Variants in ASTN1 observed in about 807,000 individuals in gnomAD.
ASTN1 encodes astrotactin-1.
In ASTN1, 41 loss-of-function variants were observed where a neutral mutation model predicts 140.7. The observed-to-expected ratio is 0.29, with a 90% CI of 0.23 to 0.38. The LOEUF is 0.38. Ranked by LOEUF, ASTN1 falls within the 10% of genes least tolerant of loss-of-function variation. The pLI, the probability that ASTN1 is intolerant of heterozygous loss-of-function variation, is 1.00. For synonymous variants in ASTN1, 640 were observed against 652.2 expected (o/e 0.98, Z 0.29); for missense variants, 1,479 against 1,678.8 (o/e 0.88, Z 2.08).
chr1:177,057,981 T>C (rs535860287), intron 2 of ASTN1, among the ~76,000 whole-genome samples: 15 of 152,272 alleles, frequency 9.9e-5, no homozygotes, highest in African/African-American at 3.6e-4. Context: ...AGGAACAACA[T>C]CTTCAAACAG....
chr1:177,094,031 G>A (rs1679903595), intron 1 of ASTN1, among the ~76,000 whole-genome samples: 1 of 152,100 alleles, frequency 6.6e-6, no homozygotes, highest in South Asian at 2.1e-4. Flanking sequence ...GAACTTCCAG[G>A]CAACTCCTGC....
Position 176,864,185 on chromosome 1 carries a change from C to T in ASTN1, c.*99G>A, listed in dbSNP as rs975955432. On this transcript the variant is annotated 3_prime_UTR_variant, in exon 23 of 23. Transcript: ENST00000361833. ...GTTTCGATGTTGCTGTGGAGGTTTT[C>T]ATGTTCCATTAAAAAATATTAAAAA... 7 of 1,513,080 alleles carry T rather than the reference C, an allele frequency of 4.6e-6. No homozygotes were observed. Among genetic ancestry groups the T allele is most frequent in the Middle Eastern group, 2.5e-4 (1 of 4,072 alleles). The allele number at this position is 1,513,080 out of a possible 1,614,324, so 93.7% of individuals were successfully genotyped here. A position where few individuals can be genotyped will look rare whatever the true frequency, so the allele number is the denominator to read the frequency against.
Position 176,888,072 on chromosome 1 carries a change from C to T in ASTN1, c.3073G>A (p.Val1025Met), listed in dbSNP as rs1204954294. The T allele has an allele frequency of 3.1e-6, 5 of 1,613,932 alleles. No homozygotes were observed. The highest frequency in any genetic ancestry group is 4.2e-6 in the Non-Finnish European group (5 of 1,180,006). ...LPTCAPLPQPVLRLSTVHEPS... is the reference protein window; with the variant it reads ...LPTCAPLPQPMLRLSTVHEPS... The stretch of plus-strand genomic sequence containing the variant: ...TGAAAGAGAGAAAGAGAACCATACA[C>T]AGGCTGTGGGAGAGGCGCACAGGTG... Residue 1025 changes from valine to methionine, a missense_variant and splice_region_variant, in exon 18 of 23, where the codon GTG (valine) becomes ATG (methionine). Val to Met is a conservative substitution (Grantham distance 21). Coordinates refer to ENST00000361833, the MANE Select transcript of ASTN1 (RefSeq NM_004319.3).
chr1:177,062,454 AG>A (rs1266887828), intron 1 of ASTN1, among the ~76,000 whole-genome samples: 10 of 151,368 alleles, frequency 6.6e-5, no homozygotes. Flanking sequence ...TATGTTGCCC[AG>A]GCTGGTCTTG....
intron 8 of ASTN1, among the ~76,000 whole-genome samples, chr1:176,993,970 G>T (rs1674310772): frequency 6.6e-6 from 1 of 152,048 alleles, no homozygotes; most frequent in Non-Finnish European, 1.5e-5. Flanking sequence ...CCTCAATTGA[G>T]GTTGATCCAT....
chr1:176,924,489 A>G (rs779593663), intron 16 of ASTN1, among the ~76,000 whole-genome samples: 7 of 152,170 alleles, frequency 4.6e-5, no homozygotes, highest in Non-Finnish European at 8.8e-5. Flanking sequence ...CAAAGCATCT[A>G]TCAGTATCAT....
At chr1:177,159,124 T>G (rs1328041559) in intron 1 of ASTN1, among the ~76,000 whole-genome samples, 1 of 151,818 alleles carries the variant, frequency 6.6e-6, no homozygotes, top group Non-Finnish European at 1.5e-5. Flanking sequence ...CTCTAATTAC[T>G]TGAATTCAAG....
chr1:177,145,133 C>G (rs182885038), intron 1 of ASTN1, among the ~76,000 whole-genome samples: 1 of 152,140 alleles, frequency 6.6e-6, no homozygotes, highest in Non-Finnish European at 1.5e-5. Context: ...CCTGCAACCT[C>G]AGAAAAATCA....
At chr1:176,880,014 C>G (rs945331415) in intron 20 of ASTN1, among the ~76,000 whole-genome samples, 3 of 152,192 alleles carry the variant, frequency 2.0e-5, no homozygotes, top group African/African-American at 7.2e-5. Flanking sequence ...CCACTGAACA[C>G]TCAGCACCCT....
At chr1:177,039,491 A>C (rs1179439241) in intron 2 of ASTN1, among the ~76,000 whole-genome samples, 2 of 152,206 alleles carry the variant, frequency 1.3e-5, no homozygotes, top group Non-Finnish European at 2.9e-5. Flanking sequence ...GGCATATCCT[A>C]ATCTAGAATC....
chr1:177,061,015 A>G, intron 2 of ASTN1, 63 bp downstream of exon 2: 1 of 1,389,300 alleles, frequency 7.2e-7, no homozygotes, highest in South Asian at 1.7e-5. Context: ...TATAATACCA[A>G]GACCCTTAAT....
chr1:177,128,775 T>G (rs1681799362), intron 1 of ASTN1, among the ~76,000 whole-genome samples: 1 of 152,176 alleles, frequency 6.6e-6, no homozygotes, highest in Middle Eastern at 3.2e-3. Flanking sequence ...TGAAAAGAAT[T>G]TGGAGAAGTC....
intron 7 of ASTN1, among the ~76,000 whole-genome samples, chr1:177,021,054 GCT>G (rs1194383604): frequency 1.3e-5 from 2 of 152,236 alleles, no homozygotes; most frequent in Non-Finnish European, 2.9e-5. Flanking sequence ...TTGGAGAAAG[GCT>G]CTGGGATAGA....
chr1:176,991,137 G>A (rs1674138105), intron 8 of ASTN1, among the ~76,000 whole-genome samples: 1 of 152,184 alleles, frequency 6.6e-6, no homozygotes, highest in Admixed American at 6.5e-5. Flanking sequence ...GCCGGGTGCA[G>A]TGGCTCATGC....
chr1:176,894,781 C>G lies in ASTN1; in HGVS notation c.2721G>C (p.Val907=). Residue 907 remains valine, a synonymous_variant, in exon 17 of 23, where the codon GTG becomes GTC. Coordinates refer to ENST00000361833, the MANE Select transcript of ASTN1 (RefSeq NM_004319.3). ...TGGTGATGTATTCTGGGAATGTCAG[C>G]ACCTTGGGGTCTCTTTCCCGCTCCT... ...ESEERERDPK[V]LTFPEYITSL... 1 of 1,614,186 alleles carries G rather than the reference C, an allele frequency of 6.2e-7. No individual in the cohort carries two copies. The highest frequency in any genetic ancestry group is 1.1e-5 in the South Asian group (1 of 91,088).
chr1:177,116,296 T>C (rs1327660741), intron 1 of ASTN1, among the ~76,000 whole-genome samples: 2 of 152,234 alleles, frequency 1.3e-5, no homozygotes, highest in African/African-American at 4.8e-5. Context: ...ATATTATCTT[T>C]ATGGGCTGTA....
chr1:176,986,092 ATT>A (rs1673893059), intron 8 of ASTN1, among the ~76,000 whole-genome samples: 1 of 152,050 alleles, frequency 6.6e-6, no homozygotes, highest in African/African-American at 2.4e-5. Flanking sequence ...CCCTAGAAGC[ATT>A]GTCTCCCTTT....
At chr1:176,965,059 G>T in intron 9 of ASTN1, 104 bp downstream of exon 9, 1 of 1,081,162 alleles carries the variant, frequency 9.2e-7, no homozygotes, top group Non-Finnish European at 1.4e-6. Flanking sequence ...GACAACTCAA[G>T]GTGTTTCCTA....
At chr1:177,105,441 A>G (rs1680503993) in intron 1 of ASTN1, among the ~76,000 whole-genome samples, 1 of 152,144 alleles carries the variant, frequency 6.6e-6, no homozygotes, top group African/African-American at 2.4e-5. Context: ...CTAAAGAATC[A>G]TGGCCCACTG....
Sources: allele counts gnomAD v4.1 joint callset (sites outside exome capture counted in the v4.1 genomes callset), GRCh38; gene constraint gnomAD v4.1.1; transcripts MANE v1.5; gene names NCBI Gene and HGNC (gene_info 2026-07-23, HGNC 2026-07-21).